ZRANB3: variants seen among roughly 807,000 people sequenced by gnomAD.
ZRANB3 encodes the protein DNA annealing helicase and endonuclease ZRANB3.
In ZRANB3, 125 loss-of-function variants were observed where a neutral mutation model predicts 133.8. That is an observed-to-expected ratio of 0.93 (90% CI 0.81 to 1.08). The LOEUF is 1.08. Ranked by LOEUF, ZRANB3 falls within the 50% of genes least tolerant of loss-of-function variation. The pLI is 0.00. For synonymous variants in ZRANB3, 387 were observed against 432.7 expected (o/e 0.89, Z 1.31); for missense variants, 1,229 against 1,275.5 (o/e 0.96, Z 0.56).
chr2:135,397,286 T>A, intron 2 of ZRANB3, among the ~76,000 whole-genome samples: 1 of 151,054 alleles, frequency 6.6e-6, no homozygotes, highest in Non-Finnish European at 1.5e-5. Flanking sequence ...CCACTAAAAC[T>A]AAAAATAAAA....
intron 1 of ZRANB3, among the ~76,000 whole-genome samples, chr2:135,510,276 A>T (rs558162284): frequency 5.0e-4 from 76 of 152,272 alleles, no homozygotes; most frequent in Admixed American, 8.5e-4. Context: ...TAAGCAAGGA[A>T]ATTCAGTCTT....
intron 6 of ZRANB3, among the ~76,000 whole-genome samples, chr2:135,334,816 A>G (rs1684298115): frequency 6.6e-6 from 1 of 152,034 alleles, no homozygotes; most frequent in African/African-American, 2.4e-5. Context: ...AATCGGTTGA[A>G]CCTGGGAGGC....
At chr2:135,500,726 G>A (rs1014750468) in intron 2 of ZRANB3, among the ~76,000 whole-genome samples, 1 of 135,662 alleles carries the variant, frequency 7.4e-6, no homozygotes, top group Non-Finnish European at 1.5e-5. Context: ...CATAATCTAT[G>A]TACCTTTGTC....
chr2:135,479,868 T>C (rs74908321), intron 2 of ZRANB3, among the ~76,000 whole-genome samples: 1,571 of 152,234 alleles, frequency 0.01, 25 homozygotes, highest in African/African-American at 0.036. Flanking sequence ...TCAGGCAGTA[T>C]GCAATTAATT....
chr2:135,472,362 T>G (rs1290508214), intron 2 of ZRANB3, among the ~76,000 whole-genome samples: 1 of 152,072 alleles, frequency 6.6e-6, no homozygotes, highest in East Asian at 1.9e-4. Flanking sequence ...TAGCTGGGCA[T>G]GGCGGCATGT....
Position 135,430,817 on chromosome 2 carries a change from G to A in ZRANB3, c.162-39997C>T, listed in dbSNP as rs563370345. ...TGAGAAAATAATTTGGTGGGGAAAC[G>A]ACAGTCATTTCAACAAACGGTGACA... is the stretch of plus-strand genomic sequence containing the variant. On this transcript the variant is annotated intron_variant, in intron 2 of 20. Transcript: ENST00000264159. 4.6e-5 allele frequency among the ~76,000 whole-genome samples: 7 copies of A among 152,128 alleles called. No homozygotes were observed. The South Asian group carries it at 6.2e-4, about 14-fold the overall frequency.
intron 12 of ZRANB3, among the ~76,000 whole-genome samples, chr2:135,244,475 G>T (rs1695698696): frequency 6.6e-6 from 1 of 152,134 alleles, no homozygotes; most frequent in Non-Finnish European, 1.5e-5. Context: ...GTGCGTGGTG[G>T]TGGGTGCCTG....
At chr2:135,491,785 G>T (rs560443779) in intron 2 of ZRANB3, among the ~76,000 whole-genome samples, 1 of 152,264 alleles carries the variant, frequency 6.6e-6, no homozygotes, top group African/African-American at 2.4e-5. Flanking sequence ...AAAGCGCTGG[G>T]ATTACAGGTG....
At chr2:135,372,111 T>C (rs1686206436) in intron 3 of ZRANB3, among the ~76,000 whole-genome samples, 1 of 148,110 alleles carries the variant, frequency 6.8e-6, no homozygotes, top group Non-Finnish European at 1.5e-5. Flanking sequence ...GAGACTGCAG[T>C]GAGCCAAGAT....
rs534121820 is a variant in ZRANB3 at position 135,450,658 on chromosome 2, A to G, written c.161+53671T>C. On this transcript the variant is annotated intron_variant, in intron 2 of 20. Coordinates refer to ENST00000264159, the MANE Select transcript of ZRANB3 (RefSeq NM_032143.4). The stretch of plus-strand genomic sequence containing the variant: ...AGAAACAAAAAAAAATGCAAAATAA[A>G]CAATGGGTTTTAAGACACTGGACAT... Among the ~76,000 whole-genome samples the G allele has an allele frequency of 6.6e-5, 10 of 152,326 alleles. No homozygotes were observed. The South Asian group carries it at 1.5e-3, about 22-fold the overall frequency.
chr2:135,254,675 T>G (rs1679565133), intron 12 of ZRANB3, among the ~76,000 whole-genome samples: 2 of 152,160 alleles, frequency 1.3e-5, no homozygotes, highest in African/African-American at 2.4e-5. Context: ...AAATTCACCC[T>G]TTTATAGTGT....
intron 1 of ZRANB3, among the ~76,000 whole-genome samples, chr2:135,521,833 T>TG: frequency 1.3e-5 from 2 of 152,200 alleles, no homozygotes; most frequent in South Asian, 4.2e-4. Context: ...CGCTAAAACT[T>TG]GAAGAGTGGA....
At chr2:135,439,047 T>C (rs1689670965) in intron 2 of ZRANB3, among the ~76,000 whole-genome samples, 1 of 152,242 alleles carries the variant, frequency 6.6e-6, no homozygotes, top group Non-Finnish European at 1.5e-5. Flanking sequence ...TTATATTATC[T>C]GTATTTGCTA....
At chr2:135,203,074 T>A in intron 19 of ZRANB3, 111 bp from the exon 20 acceptor site, 1 of 1,314,408 alleles carries the variant, frequency 7.6e-7, no homozygotes, top group Non-Finnish European at 1.0e-6. Flanking sequence ...TGGGGAAAAA[T>A]ACATCAGGAG....
chr2:135,404,571 C>G (rs6752369), intron 2 of ZRANB3, among the ~76,000 whole-genome samples: 8,560 of 152,130 alleles, frequency 0.056, 468 homozygotes, highest in African/African-American at 0.14. Context: ...GCAAGTCAGG[C>G]CAACATTCAA....
chr2:135,400,375 G>A (rs1035929218), intron 2 of ZRANB3, among the ~76,000 whole-genome samples: 1 of 151,472 alleles, frequency 6.6e-6, no homozygotes, highest in Non-Finnish European at 1.5e-5. Context: ...AAATGGAGAC[G>A]TGCTCTGTTG....
At chr2:135,389,897 T>C (rs1281304261) in intron 3 of ZRANB3, among the ~76,000 whole-genome samples, 1 of 145,966 alleles carries the variant, frequency 6.9e-6, no homozygotes, top group Non-Finnish European at 1.5e-5. Context: ...TTTTTTTTTT[T>C]TGAGACGGAG....
rs148723983 is a variant in ZRANB3 at position 135,311,276 on chromosome 2, C to T, written c.966+2213G>A. 2.4e-4 allele frequency among the ~76,000 whole-genome samples: 36 copies of T among 152,098 alleles called. No individual in the cohort carries two copies. The East Asian group carries it at 6.8e-3, about 29-fold the overall frequency. ...AGCACGATGAGATGCCACTACATAC[C>T]GACAATAACGGCTAAAATGAAAAAG... On this transcript the variant is annotated intron_variant, in intron 8 of 20. Coordinates refer to ENST00000264159, the MANE Select transcript of ZRANB3 (RefSeq NM_032143.4).
intron 1 of ZRANB3, among the ~76,000 whole-genome samples, chr2:135,512,650 T>A (rs1377386500): frequency 6.6e-6 from 1 of 151,676 alleles, no homozygotes; most frequent in Non-Finnish European, 1.5e-5. Context: ...AAAAAAGACA[T>A]ATTATACATG....
Sources: allele counts gnomAD v4.1 joint callset (sites outside exome capture counted in the v4.1 genomes callset), GRCh38; gene constraint gnomAD v4.1.1; transcripts MANE v1.5; gene names NCBI Gene and HGNC (gene_info 2026-07-23, HGNC 2026-07-21).